The following FIP1L1 variants were observed in gnomAD, a reference collection of about 807,000 sequenced individuals.
FIP1L1 encodes the protein factor interacting with PAPOLA and CPSF1.
FIP1L1 carries 21 observed loss-of-function variants against 84.6 expected under a neutral mutation model. The ratio of observed to expected loss-of-function variants is 0.25; its 90% confidence interval spans 0.18 to 0.36. FIP1L1 has a LOEUF of 0.36. Ranked by LOEUF, FIP1L1 falls within the 10% of genes least tolerant of loss-of-function variation. The pLI, the probability that FIP1L1 is intolerant of heterozygous loss-of-function variation, is 1.00. For missense variants in FIP1L1, 526 were observed against 751.1 expected, an observed-to-expected ratio of 0.70 and a Z score of 3.50; for synonymous variants, 263 against 242.3, an observed-to-expected ratio of 1.09 and a Z score of -0.80.
chr4:53,423,035 C>T (rs1414144132), intron 11 of FIP1L1, among the ~76,000 whole-genome samples: 1 of 152,122 alleles, frequency 6.6e-6, no homozygotes, highest in African/African-American at 2.4e-5. Flanking sequence ...GGCCTTTTGT[C>T]TATCTTCTAT....
rs1270682202 is a variant in FIP1L1 at position 53,395,044 on chromosome 4, C to T, written c.705+3546C>T. 3.7e-4 allele frequency among the ~76,000 whole-genome samples: 56 copies of T among 152,048 alleles called. 1 individual carries two copies. Among genetic ancestry groups the T allele is most frequent in the Admixed American group, 3.7e-3 (56 of 15,272 alleles). On this transcript the variant is annotated intron_variant, in intron 9 of 17. Coordinates refer to ENST00000337488, the MANE Select transcript of FIP1L1 (RefSeq NM_030917.4). ...TAAGTTTTGTTTGGATTTGTCAGAT[C>T]TGACATAAATTTGTTTTTAGAAAAT...
chr4:53,426,980 A>G (rs2149995721), intron 12 of FIP1L1, among the ~76,000 whole-genome samples: 1 of 152,238 alleles, frequency 6.6e-6, no homozygotes, highest in African/African-American at 2.4e-5. Flanking sequence ...AAATGTCCAG[A>G]GCACTTTATT....
chr4:53,397,664 C>T (rs1748109512), intron 9 of FIP1L1, among the ~76,000 whole-genome samples: 1 of 152,226 alleles, frequency 6.6e-6, no homozygotes, highest in South Asian at 2.1e-4. Flanking sequence ...ATCTGTGTGA[C>T]AAATGACAAA....
intron 10 of FIP1L1, among the ~76,000 whole-genome samples, chr4:53,406,838 G>A (rs1330020154): frequency 1.3e-5 from 2 of 152,180 alleles, no homozygotes; most frequent in African/African-American, 2.4e-5. Flanking sequence ...TTGTATTTCT[G>A]TGGGATCGGT....
intron 10 of FIP1L1, among the ~76,000 whole-genome samples, chr4:53,410,527 C>A (rs1346107988): frequency 6.6e-6 from 1 of 152,162 alleles, no homozygotes; most frequent in Non-Finnish European, 1.5e-5. Context: ...GTTGTCTCTG[C>A]TGCTTTATGA....
At chr4:53,429,125 C>T (rs1012669273) in intron 13 of FIP1L1, among the ~76,000 whole-genome samples, 10 of 152,188 alleles carry the variant, frequency 6.6e-5, no homozygotes, top group African/African-American at 1.4e-4. Context: ...TCCTTGGCCT[C>T]TAAATGTCAG....
intron 10 of FIP1L1, among the ~76,000 whole-genome samples, chr4:53,410,050 G>A (rs139206889): frequency 3.3e-5 from 5 of 152,222 alleles, no homozygotes; most frequent in Non-Finnish European, 7.3e-5. Flanking sequence ...CGGTACCTCA[G>A]ATGGAAATGC....
intron 15 of FIP1L1, among the ~76,000 whole-genome samples, chr4:53,448,804 G>A (rs1775241045): frequency 6.6e-6 from 1 of 152,092 alleles, no homozygotes; most frequent in Non-Finnish European, 1.5e-5. Flanking sequence ...CATTTGCAGA[G>A]GTGTTGTTTT....
chr4:53,412,597 T>C (rs1757697316), intron 10 of FIP1L1, among the ~76,000 whole-genome samples: 1 of 152,102 alleles, frequency 6.6e-6, no homozygotes, highest in Non-Finnish European at 1.5e-5. Flanking sequence ...AGGTTTTGCT[T>C]TTTGGGCAGG....
In FIP1L1 at chr4:53,410,040, C is replaced by T. The variant is rs181715538; in HGVS notation, c.816-4575C>T. 6.8e-3 allele frequency among the ~76,000 whole-genome samples: 1,030 copies of T among 152,338 alleles called. 13 individuals are homozygous for T. The highest frequency in any genetic ancestry group is 0.024 in the African/African-American group (987 of 41,578). ...CTGGCACTCCCTAGTGAGATGAACC[C>T]GGTACCTCAGATGGAAATGCAGAAA... is the stretch of plus-strand genomic sequence containing the variant. On this transcript the variant is annotated intron_variant, in intron 10 of 17. Coordinates refer to ENST00000337488, the MANE Select transcript of FIP1L1 (RefSeq NM_030917.4).
chr4:53,444,829 C>T (rs538790781), intron 15 of FIP1L1, among the ~76,000 whole-genome samples: 1 of 152,246 alleles, frequency 6.6e-6, no homozygotes, highest in East Asian at 1.9e-4. Context: ...GTCTCAGCCT[C>T]CCAAAGTGCT....
intron 9 of FIP1L1, among the ~76,000 whole-genome samples, chr4:53,397,178 G>C (rs1448117291): frequency 6.6e-6 from 1 of 152,214 alleles, no homozygotes; most frequent in Non-Finnish European, 1.5e-5. Context: ...CCAGGAAGAA[G>C]AAAATCCGAT....
intron 16 of FIP1L1, among the ~76,000 whole-genome samples, chr4:53,453,983 T>C (rs1717558632): frequency 6.6e-6 from 1 of 152,204 alleles, no homozygotes; most frequent in Admixed American, 6.5e-5. Context: ...AAGAATTTTG[T>C]TCTAATGTAA....
chr4:53,419,592 A>G (rs928192815), intron 11 of FIP1L1, among the ~76,000 whole-genome samples: 1 of 151,954 alleles, frequency 6.6e-6, no homozygotes, highest in Non-Finnish European at 1.5e-5. Context: ...AGGCATGCCC[A>G]CCATGCTCGG....
chr4:53,379,931 A>C (rs1736902107), intron 3 of FIP1L1, among the ~76,000 whole-genome samples: 1 of 152,178 alleles, frequency 6.6e-6, no homozygotes, highest in Non-Finnish European at 1.5e-5. Context: ...GATTTTAAGG[A>C]ATATTTGGGT....
intron 12 of FIP1L1, among the ~76,000 whole-genome samples, chr4:53,426,404 A>G (rs1435989906): frequency 1.3e-5 from 2 of 152,122 alleles, no homozygotes; most frequent in Non-Finnish European, 2.9e-5. Flanking sequence ...ACCCTGAGTA[A>G]ACTGTGTAGT....
At chr4:53,393,595 A>G (rs972129234) in intron 9 of FIP1L1, among the ~76,000 whole-genome samples, 3 of 152,160 alleles carry the variant, frequency 2.0e-5, no homozygotes, top group Non-Finnish European at 4.4e-5. Flanking sequence ...AAATAAAGCC[A>G]CTCAATTGGG....
chr4:53,396,814 T>C (rs1747645999), intron 9 of FIP1L1, among the ~76,000 whole-genome samples: 1 of 151,804 alleles, frequency 6.6e-6, no homozygotes, highest in South Asian at 2.1e-4. Context: ...TAGTGGCAAT[T>C]AATAGGCTTT....
chr4:53,440,811 G>A, intron 13 of FIP1L1: 3 of 505,936 alleles, frequency 5.9e-6, no homozygotes, highest in Non-Finnish European at 1.1e-5. Context: ...ACCCGTTTCT[G>A]TAGAAATAGA....
Sources: allele counts gnomAD v4.1 joint callset (sites outside exome capture counted in the v4.1 genomes callset), GRCh38; gene constraint gnomAD v4.1.1; transcripts MANE v1.5; gene names NCBI Gene and HGNC (gene_info 2026-07-23, HGNC 2026-07-21).